Variants in BAZ1A observed in about 807,000 individuals in gnomAD.
BAZ1A encodes bromodomain adjacent to zinc finger domain protein 1A.
A neutral mutation model predicts 185.2 loss-of-function variants in BAZ1A; 50 were observed. That is an observed-to-expected ratio of 0.27 (90% CI 0.22 to 0.34). The LOEUF (loss-of-function observed/expected upper bound fraction) is 0.34, where lower values mean the gene tolerates loss of function less well. BAZ1A is among the 10% of genes least tolerant of loss of function. BAZ1A has a pLI of 1.00. For synonymous variants in BAZ1A, 571 were observed against 615.6 expected (o/e 0.93, Z 1.07); for missense variants, 1,356 against 1,839.9 (o/e 0.74, Z 4.81).
chr14:34,820,103 T>A (rs1049110522), intron 4 of BAZ1A, among the ~76,000 whole-genome samples: 2 of 151,474 alleles, frequency 1.3e-5, no homozygotes, highest in Admixed American at 6.6e-5. Context: ...TCTTTTGCCA[T>A]TTTTTAATTG....
chr14:34,778,682 T>C (rs917035191), intron 17 of BAZ1A, among the ~76,000 whole-genome samples: 1 of 152,208 alleles, frequency 6.6e-6, no homozygotes, highest in African/African-American at 2.4e-5. Context: ...TCATCAAAAA[T>C]TGTGTATATC....
chr14:34,837,055 G>C (rs931549145), intron 3 of BAZ1A, among the ~76,000 whole-genome samples: 2 of 151,262 alleles, frequency 1.3e-5, no homozygotes, highest in African/African-American at 4.9e-5. Context: ...TTACAGGCAT[G>C]AGCAACCATG....
In BAZ1A at chr14:34,832,228, A is replaced by G. The variant is rs539501164; in HGVS notation, c.393-6072T>C. On this transcript the variant is annotated intron_variant, in intron 3 of 26. Coordinates refer to ENST00000360310, the MANE Select transcript of BAZ1A (RefSeq NM_013448.3). ...CACACACACACACATATATATATAT[A>G]TATGTATGTATGTATATTTCCTAAC... Among the ~76,000 whole-genome samples the G allele has an allele frequency of 3.2e-3, 452 of 143,446 alleles. 14 individuals are homozygous for G. The highest frequency in any genetic ancestry group is 0.011 in the African/African-American group (437 of 38,928). 94.1% of individuals were successfully genotyped at this position (143,446 alleles called of 152,430 possible).
chr14:34,792,037 A>G (rs893109830), intron 12 of BAZ1A, among the ~76,000 whole-genome samples: 1 of 152,228 alleles, frequency 6.6e-6, no homozygotes, highest in Non-Finnish European at 1.5e-5. Flanking sequence ...AAACTGTCAG[A>G]TCTAAAATGA....
chr14:34,838,962 C>T (rs1477336722), intron 3 of BAZ1A, among the ~76,000 whole-genome samples: 2 of 151,956 alleles, frequency 1.3e-5, no homozygotes, highest in Non-Finnish European at 2.9e-5. Flanking sequence ...AATAAATACA[C>T]GATGAAAGTA....
At chr14:34,813,812 G>A (rs4982216) in intron 4 of BAZ1A, among the ~76,000 whole-genome samples, 41,863 of 151,980 alleles carry the variant, frequency 0.28, 6,099 homozygotes, top group Admixed American at 0.37. Flanking sequence ...GGCTGAGGCA[G>A]GCAGATCATG....
chr14:34,834,039 C>A (rs1339426531), intron 3 of BAZ1A, among the ~76,000 whole-genome samples: 2 of 152,040 alleles, frequency 1.3e-5, no homozygotes, highest in Non-Finnish European at 2.9e-5. Context: ...TCAAGAGGAA[C>A]AACTACAGGA....
intron 24 of BAZ1A, among the ~76,000 whole-genome samples, chr14:34,761,135 C>A (rs10147134): frequency 4.0e-5 from 6 of 151,682 alleles, no homozygotes; most frequent in South Asian, 4.2e-4. Flanking sequence ...AAAATTAGCC[C>A]GGTGTGATGG....
chr14:34,785,200 T>G (rs1753024238), intron 14 of BAZ1A, among the ~76,000 whole-genome samples: 1 of 152,158 alleles, frequency 6.6e-6, no homozygotes, highest in Non-Finnish European at 1.5e-5. Context: ...TTCAAATCAA[T>G]ACTAAATTAT....
chr14:34,788,304 A>ATTTTTC (rs532382496), intron 12 of BAZ1A, among the ~76,000 whole-genome samples: 2 of 145,456 alleles, frequency 1.4e-5, no homozygotes, highest in Non-Finnish European at 3.0e-5. Context: ...GCTCAGCCTC[A>ATTTTTC]TTTTTCTTTT....
chr14:34,872,941 A>ACAAAAAAAAAAACAAC lies in BAZ1A; in HGVS notation c.113+1550_113+1551insGTTGTTTTTTTTTTTG, dbSNP rs1555346585. ...AAAAAAAAAAAAAAAAAAAAAAAAA[A>ACAAAAAAAAAAACAAC]CTTGTCCAATTACCTAATCCAAGTT... On this transcript the variant is annotated intron_variant, in intron 2 of 26. Coordinates refer to ENST00000360310, the MANE Select transcript of BAZ1A (RefSeq NM_013448.3). Among the ~76,000 whole-genome samples the ACAAAAAAAAAAACAAC allele has an allele frequency of 1.2e-3, 153 of 122,678 alleles. 2 individuals carry two copies. The highest frequency in any genetic ancestry group is 1.8e-3 in the Non-Finnish European group (108 of 59,904). The allele number at this position is 122,678 out of a possible 152,430, so 80.5% of individuals were successfully genotyped here. A position where few individuals can be genotyped will look rare whatever the true frequency, so the allele number is the denominator to read the frequency against.
chr14:34,800,934 G>A (rs1566569589), intron 8 of BAZ1A, among the ~76,000 whole-genome samples, 160 bp downstream of exon 8: 1 of 152,060 alleles, frequency 6.6e-6, no homozygotes, highest in East Asian at 1.9e-4. Context: ...TATAAAACAA[G>A]CAAACAAACA....
rs1296479860 is a variant in BAZ1A, at chr14:34,874,817, G to A, written c.-58-155C>T. The A allele has an allele frequency of 4.8e-5, 23 of 474,486 alleles. No individual in the cohort carries two copies. Among genetic ancestry groups the A allele is most frequent in the Middle Eastern group, 5.5e-4 (1 of 1,830 alleles). The allele number at this position is 474,486 out of a possible 1,614,324, so 29.4% of individuals were successfully genotyped here. ...CCGAGTTCGTTCCTGCCGCTGCCCGGGTGTCGAGCGAGCGGAGCCGCCGCC... is the reference window on the plus strand; with the variant it reads ...CCGAGTTCGTTCCTGCCGCTGCCCGAGTGTCGAGCGAGCGGAGCCGCCGCC... On this transcript the variant is annotated intron_variant, in intron 1 of 26. Transcript: ENST00000360310. This position sits in a 1 kb window ranked among gnomAD's most constrained non-coding sequence, Gnocchi z 4.7.
At position 34,775,962 on chromosome 14, in the gene BAZ1A, A is replaced by G. The variant is rs1232650629; in HGVS notation, c.2790T>C (p.Cys930=). 20 of 1,611,780 alleles carry G rather than the reference A, an allele frequency of 1.2e-5. No individual in the cohort carries two copies. Among genetic ancestry groups the G allele is most frequent in the Non-Finnish European group, 1.6e-5 (19 of 1,178,340 alleles). ...ETLLQEKSRI[C]AQLARFSEEK... ...CTTCAGAAAAACGGGCTAGCTGTGC[A>G]CATATTCTGCTTTTCTCTTGTAACA... Residue 930 remains cysteine, a synonymous_variant, in exon 18 of 27, where the codon TGT becomes TGC. Transcript: ENST00000360310.
chr14:34,762,448 C>T (rs1886564779), intron 23 of BAZ1A, among the ~76,000 whole-genome samples: 1 of 151,734 alleles, frequency 6.6e-6, no homozygotes, highest in Admixed American at 6.6e-5. Flanking sequence ...GAATTATCTG[C>T]AAAGAGAATA....
intron 4 of BAZ1A, among the ~76,000 whole-genome samples, chr14:34,822,105 T>G (rs2042098842): frequency 6.6e-6 from 1 of 151,738 alleles, no homozygotes; most frequent in Non-Finnish European, 1.5e-5. Flanking sequence ...GACCAGCCTG[T>G]CCAACATGGC....
intron 14 of BAZ1A, 37 bp from the exon 15 acceptor site, chr14:34,783,964 C>T (rs1160403619): frequency 3.3e-6 from 5 of 1,529,196 alleles, no homozygotes; most frequent in Non-Finnish European, 3.5e-6. Context: ...TATTATAAAT[C>T]GCAGCAAATG....
intron 3 of BAZ1A, among the ~76,000 whole-genome samples, chr14:34,860,107 A>G (rs2042743799): frequency 6.6e-6 from 1 of 152,366 alleles, no homozygotes; most frequent in East Asian, 1.9e-4. Flanking sequence ...TAAATGCATT[A>G]GGACAAGAGT....
At chr14:34,793,319 T>C (rs1231554650) in intron 11 of BAZ1A, among the ~76,000 whole-genome samples, 2 of 152,228 alleles carry the variant, frequency 1.3e-5, no homozygotes, top group Admixed American at 1.3e-4. Context: ...GAGGTCATTA[T>C]CCGCATTAGG....
Sources: allele counts gnomAD v4.1 joint callset (sites outside exome capture counted in the v4.1 genomes callset), GRCh38; gene constraint gnomAD v4.1.1; non-coding constraint Gnocchi (gnomAD v3.1); transcripts MANE v1.5; gene names NCBI Gene and HGNC (gene_info 2026-07-23, HGNC 2026-07-21).